Variants in CDYL observed in about 807,000 individuals in gnomAD.
CDYL encodes chromodomain Y like.
In CDYL, 8 loss-of-function variants were observed where a neutral mutation model predicts 47.3. The observed-to-expected ratio is 0.17, with a 90% CI of 0.10 to 0.31. The LOEUF is 0.31. CDYL is among the 10% of genes least tolerant of loss of function. The probability of loss-of-function intolerance (pLI) is 1.00; values close to 1 mark genes in which losing one functional copy is unlikely to be tolerated. For missense variants in CDYL, 471 were observed against 701.4 expected (o/e 0.67, Z 3.71); for synonymous variants, 266 against 265.0 (o/e 1.00, Z -0.04).
intron 1 of CDYL, among the ~76,000 whole-genome samples, chr6:4,845,699 C>A (rs1392547152): frequency 6.6e-6 from 1 of 152,118 alleles, no homozygotes; most frequent in East Asian, 1.9e-4. Flanking sequence ...TGGCTATATA[C>A]CAATACAACT....
At chr6:4,900,817 ATATATATATATATCT>A (rs1169051904) in intron 2 of CDYL, among the ~76,000 whole-genome samples, 12 of 84,680 alleles carry the variant, frequency 1.4e-4, no homozygotes, top group African/African-American at 2.1e-4. Flanking sequence ...ATATATATAT[ATATATATATATATCT>A]TGCCTGTTTT....
intron 4 of CDYL, among the ~76,000 whole-genome samples, chr6:4,942,677 A>C (rs1421141582): frequency 2.0e-5 from 3 of 152,202 alleles, no homozygotes; most frequent in African/African-American, 7.2e-5. Flanking sequence ...GCACATTCCT[A>C]AAGTGGTATG....
upstream of CDYL, among the ~76,000 whole-genome samples, chr6:4,773,682 A>G: frequency 6.6e-6 from 1 of 152,340 alleles, no homozygotes; most frequent in Non-Finnish European, 1.5e-5. The surrounding 1 kb of genome is among the most constrained non-coding windows in gnomAD (Gnocchi z 4.6). Flanking sequence ...TCAATTTCTC[A>G]GTCGCTAGGT....
At chr6:4,868,667 G>A (rs1761389799) in intron 1 of CDYL, among the ~76,000 whole-genome samples, 1 of 152,138 alleles carries the variant, frequency 6.6e-6, no homozygotes, top group South Asian at 2.1e-4. Flanking sequence ...CAGTGTTCAA[G>A]TCTTCTATAT....
At chr6:4,818,435 A>G (rs144248140) in intron 1 of CDYL, among the ~76,000 whole-genome samples, 14 of 152,304 alleles carry the variant, frequency 9.2e-5, no homozygotes, top group Admixed American at 3.9e-4. Flanking sequence ...GGTGTGAGGT[A>G]TGTACAGTGA....
chr6:4,724,627 G>C (rs1582283253), intron 2 of CDYL: 2 of 152,376 alleles, frequency 1.3e-5, no homozygotes, highest in Non-Finnish European at 2.9e-5. Flanking sequence ...TGGGTTCGTG[G>C]TCTTGCTGGC....
chr6:4,942,228 G>A (rs190441625), intron 4 of CDYL, among the ~76,000 whole-genome samples: 91 of 152,214 alleles, frequency 6.0e-4, no homozygotes, highest in Non-Finnish European at 7.1e-4. Flanking sequence ...ACAAACCTTG[G>A]GGGCTAGGCT....
chr6:4,820,751 A>G (rs1197544364), intron 1 of CDYL, among the ~76,000 whole-genome samples: 1 of 152,252 alleles, frequency 6.6e-6, no homozygotes, highest in East Asian at 1.9e-4. Context: ...GATGCCCACA[A>G]GATGACTGAG....
intron 1 of CDYL, among the ~76,000 whole-genome samples, chr6:4,796,739 G>C (rs1046805115): frequency 3.9e-5 from 6 of 151,984 alleles, no homozygotes; most frequent in African/African-American, 1.2e-4. Flanking sequence ...AAAAAAGTTT[G>C]GTTTTGTTTG....
At chr6:4,744,436 A>G (rs2127417905) in intron 3 of CDYL, among the ~76,000 whole-genome samples, 2 of 152,298 alleles carry the variant, frequency 1.3e-5, no homozygotes, top group South Asian at 4.1e-4. Flanking sequence ...TCAAGGCTGC[A>G]GTGAGCTATG....
At position 4,937,548 on chromosome 6, in the gene CDYL, C is replaced by A; in HGVS notation, c.949-17C>A. On this transcript the variant is annotated splice_polypyrimidine_tract_variant and intron_variant, in intron 3 of 6. Coordinates refer to ENST00000397588, the MANE Select transcript of CDYL (RefSeq NM_004824.4). ...CCCAAAATATTCTTTGCCACTTTAA[C>A]TTCTGGTGACTTTCAGGTAATGAGA... 1 of 1,514,860 alleles carries A rather than the reference C, an allele frequency of 6.6e-7. No homozygotes were observed. Among genetic ancestry groups the A allele is most frequent in the Non-Finnish European group, 8.8e-7 (1 of 1,132,046 alleles). The allele number at this position is 1,514,860 out of a possible 1,614,324, so 93.8% of individuals were successfully genotyped here. A position where few individuals can be genotyped will look rare whatever the true frequency, so the allele number is the denominator to read the frequency against.
At chr6:4,942,225 T>C (rs1022251025) in intron 4 of CDYL, among the ~76,000 whole-genome samples, 7 of 152,144 alleles carry the variant, frequency 4.6e-5, no homozygotes, top group South Asian at 2.1e-4. Context: ...CCCACAAACC[T>C]TGGGGGCTAG....
chr6:4,766,193 A>G (rs531527977), intron 3 of CDYL, among the ~76,000 whole-genome samples: 4 of 152,208 alleles, frequency 2.6e-5, no homozygotes, highest in African/African-American at 9.6e-5. Context: ...GAAATCCTGA[A>G]TATTCCTTTT....
At chr6:4,798,733 C>G (rs1226213638) in intron 1 of CDYL, among the ~76,000 whole-genome samples, 1 of 152,160 alleles carries the variant, frequency 6.6e-6, no homozygotes, top group Non-Finnish European at 1.5e-5. Flanking sequence ...ATGTATTGTA[C>G]TGGTTTGGAT....
chr6:4,724,138 T>G (rs1309487907), intron 2 of CDYL, among the ~76,000 whole-genome samples: 1 of 152,218 alleles, frequency 6.6e-6, no homozygotes, highest in Non-Finnish European at 1.5e-5. Flanking sequence ...CCTCCTGGGT[T>G]CAAATGATTC....
rs565732354 is a variant in CDYL, at chr6:4,846,822, G to C, written c.25-44891G>C. On this transcript the variant is annotated intron_variant, in intron 1 of 6. Transcript: ENST00000397588. ...AACCAGATTGGACATTGAGACAGCA[G>C]TTGTAAGCCAAGACTGTTTTAGGCA... Among the ~76,000 whole-genome samples the C allele has an allele frequency of 6.6e-5, 10 of 152,344 alleles. 1 individual carries two copies. Among genetic ancestry groups the C allele is most frequent in the African/African-American group, 2.4e-4 (10 of 41,586 alleles).
chr6:4,808,498 C>T (rs1035625522), intron 1 of CDYL, among the ~76,000 whole-genome samples: 9 of 152,184 alleles, frequency 5.9e-5, no homozygotes, highest in African/African-American at 1.9e-4. Flanking sequence ...ATTTGCTAAC[C>T]CAAATCCCTC....
intron 1 of CDYL, among the ~76,000 whole-genome samples, chr6:4,817,328 C>G (rs1484519895): frequency 2.0e-5 from 3 of 151,088 alleles, no homozygotes; most frequent in Admixed American, 6.6e-5. Flanking sequence ...ACCTACTCTT[C>G]AATCACCCTT....
At chr6:4,775,737 G>A (rs1432404446), upstream of CDYL, among the ~76,000 whole-genome samples, 2 of 148,198 alleles carry the variant, frequency 1.3e-5, no homozygotes, top group East Asian at 2.0e-4. The surrounding 1 kb of genome is among the most constrained non-coding windows in gnomAD (Gnocchi z 7.0). Flanking sequence ...GGGGCGCGCG[G>A]CCCGGGCTCC....
Sources: allele counts gnomAD v4.1 joint callset (sites outside exome capture counted in the v4.1 genomes callset), GRCh38; gene constraint gnomAD v4.1.1; non-coding constraint Gnocchi (gnomAD v3.1); transcripts MANE v1.5; gene names NCBI Gene and HGNC (gene_info 2026-07-23, HGNC 2026-07-21).